The following ITSN1 variants were observed in gnomAD, a reference collection of about 807,000 sequenced individuals.
ITSN1 encodes intersectin-1.
Under a neutral mutation model 239.8 loss-of-function variants are expected in ITSN1, and 58 were observed. The observed-to-expected ratio is 0.24, with a 90% CI of 0.20 to 0.30. The LOEUF (loss-of-function observed/expected upper bound fraction) is 0.30. Among genes scored for constraint, ITSN1 ranks in the 10% least tolerant of loss-of-function variants. ITSN1 has a pLI of 1.00. For synonymous variants in ITSN1, 780 were observed against 770.8 expected, an observed-to-expected ratio of 1.01 and a Z score of -0.20; for missense variants, 1,558 against 2,103.3, an observed-to-expected ratio of 0.74 and a Z score of 5.07.
chr21:33,850,972 C>T (rs67900182), intron 29 of ITSN1, among the ~76,000 whole-genome samples: 3,547 of 152,220 alleles, frequency 0.023, 67 homozygotes, highest in Non-Finnish European at 0.033. Flanking sequence ...CCTGCTGATC[C>T]GGGGCCATTG....
At chr21:33,813,742 C>A (rs1348056196) in intron 21 of ITSN1, among the ~76,000 whole-genome samples, 171 bp from the exon 22 acceptor site, 1 of 149,078 alleles carries the variant, frequency 6.7e-6, no homozygotes, top group Non-Finnish European at 1.5e-5. Context: ...TTTCTTTTTT[C>A]TTTTTTTCCT....
chr21:33,714,975 T>C (rs2065054160), intron 1 of ITSN1, among the ~76,000 whole-genome samples: 2 of 152,126 alleles, frequency 1.3e-5, no homozygotes, highest in South Asian at 4.1e-4. Context: ...AAGGAGAAAT[T>C]CATTATCTCA....
At position 33,794,403 on chromosome 21, in the gene ITSN1, A is replaced by T; in HGVS notation, c.1887A>T (p.Arg629=). The part of the protein sequence containing the change: ...LQKQKSMEAE[R]LKQKEQERKI... ...AGCAAAAGTCCATGGAGGCTGAACG[A>T]CTGAAACAGAAAGAACAAGAACGAA... The change falls in exon 17 of 40, where the codon CGA becomes CGT. Residue 629 remains arginine, a synonymous_variant. Coordinates refer to ENST00000381318, the MANE Select transcript of ITSN1 (RefSeq NM_003024.3). The T allele has an allele frequency of 6.2e-7, 1 of 1,614,042 alleles. No homozygotes were observed. The highest frequency in any genetic ancestry group is 8.5e-7 in the Non-Finnish European group (1 of 1,179,950).
At chr21:33,643,528 C>T (rs558701033) in intron 1 of ITSN1, 11 of 152,162 alleles carry the variant, frequency 7.2e-5, no homozygotes, top group Admixed American at 2.6e-4. Context: ...TCGGAGATTA[C>T]ATTTCCTATG....
intron 1 of ITSN1, among the ~76,000 whole-genome samples, chr21:33,697,567 G>A (rs1321459057): frequency 4.0e-5 from 6 of 151,886 alleles, no homozygotes; most frequent in African/African-American, 1.2e-4. Flanking sequence ...TATGTGAGTT[G>A]AAAATAGTTT....
intron 1 of ITSN1, among the ~76,000 whole-genome samples, chr21:33,704,307 T>A (rs921193096): frequency 5.9e-5 from 9 of 152,182 alleles, no homozygotes; most frequent in African/African-American, 2.2e-4. Context: ...GCTATGACAT[T>A]ACAAAAAAAA....
chr21:33,721,379 T>C (rs2065470918), intron 3 of ITSN1, 109 bp downstream of exon 3: 1 of 735,766 alleles, frequency 1.4e-6, no homozygotes, highest in Admixed American at 2.1e-5. Flanking sequence ...GAGAGACATT[T>C]ACCTGTTTTG....
intron 16 of ITSN1, among the ~76,000 whole-genome samples, chr21:33,793,168 ACT>A (rs2148004762): frequency 6.6e-6 from 1 of 152,328 alleles, no homozygotes; most frequent in South Asian, 2.1e-4. Flanking sequence ...GCATTTTAAT[ACT>A]GACTTTCTAC....
At chr21:33,669,442 G>GT (rs34272483) in intron 1 of ITSN1, among the ~76,000 whole-genome samples, 17,265 of 139,768 alleles carry the variant, frequency 0.12, 1,439 homozygotes, top group East Asian at 0.42. Context: ...TTTCATTTAA[G>GT]TTTTTTTTTT....
chr21:33,790,712 A>C (rs543255295), intron 16 of ITSN1, among the ~76,000 whole-genome samples: 1 of 152,214 alleles, frequency 6.6e-6, no homozygotes, highest in Non-Finnish European at 1.5e-5. Context: ...ATGTGGATTT[A>C]ATAGAATTTG....
chr21:33,858,722 A>G lies in ITSN1; in HGVS notation c.3820A>G (p.Thr1274Ala), dbSNP rs751961174. Residue 1274 changes from threonine to alanine, a missense_variant, in exon 31 of 40, where the codon ACA becomes GCA. Around this residue, in one of 2 missense-constraint regions of ITSN1, gnomAD observed 576 missense variants for 893.3 expected, o/e 0.64. Transcript: ENST00000381318. ...ACCCCTGATGGAGTCTGAGCTGCTGACAGAAAAAGAGGTTGCTATGATTTT... is the reference window on the plus strand; with the variant it reads ...ACCCCTGATGGAGTCTGAGCTGCTGGCAGAAAAAGAGGTTGCTATGATTTT... The part of the protein sequence containing the change: ...QKPLMESELL[T>A]EKEVAMIFVN... The G allele has an allele frequency of 1.8e-5, 29 of 1,613,960 alleles. No homozygotes were observed. Among genetic ancestry groups the G allele is most frequent in the Non-Finnish European group, 2.3e-5 (27 of 1,179,876 alleles).
intron 20 of ITSN1, among the ~76,000 whole-genome samples, chr21:33,808,598 A>T (rs998297389): frequency 1.6e-4 from 25 of 151,914 alleles, no homozygotes; most frequent in Non-Finnish European, 2.9e-4. Context: ...AAAAAAAAAA[A>T]AGCTAACACT....
chr21:33,777,397 T>C (rs560127224), intron 14 of ITSN1, among the ~76,000 whole-genome samples: 2 of 152,280 alleles, frequency 1.3e-5, no homozygotes, highest in African/African-American at 2.4e-5. Context: ...TTCTCTGTTA[T>C]TGTTCTTTTT....
intron 8 of ITSN1, among the ~76,000 whole-genome samples, chr21:33,758,176 T>C (rs567386743): frequency 2.0e-5 from 3 of 152,294 alleles, no homozygotes; most frequent in Admixed American, 2.0e-4. Flanking sequence ...CAGGCTGAAG[T>C]ACAGTGACAT....
At chr21:33,886,518 TTAA>T in intron 39 of ITSN1, 58 bp downstream of exon 39, 1 of 1,429,028 alleles carries the variant, frequency 7.0e-7, no homozygotes, top group Non-Finnish European at 9.4e-7. Flanking sequence ...TTTGCGTGGG[TTAA>T]TGTTTTCTTA....
chr21:33,862,483 GAGA>G (rs1298060524), intron 31 of ITSN1, among the ~76,000 whole-genome samples: 6 of 152,194 alleles, frequency 3.9e-5, no homozygotes, highest in African/African-American at 4.8e-5. Flanking sequence ...GTGGGGTTGG[GAGA>G]AGGAGAAGAG....
intron 20 of ITSN1, among the ~76,000 whole-genome samples, chr21:33,808,083 A>T (rs1470185040): frequency 6.6e-6 from 1 of 151,888 alleles, no homozygotes; most frequent in Non-Finnish European, 1.5e-5. Context: ...GCTACTCGGG[A>T]GGCTGAGGCA....
At chr21:33,736,556 C>T (rs558524699) in intron 5 of ITSN1, among the ~76,000 whole-genome samples, 77 of 152,134 alleles carry the variant, frequency 5.1e-4, no homozygotes, top group Non-Finnish European at 1.0e-3. Context: ...TGACTGGGGC[C>T]GTTGTTTGTC....
chr21:33,663,072 A>G (rs1275653360), intron 1 of ITSN1, among the ~76,000 whole-genome samples: 1 of 152,240 alleles, frequency 6.6e-6, no homozygotes, highest in Non-Finnish European at 1.5e-5. Flanking sequence ...CATCTCAGGC[A>G]TTAGTCTACC....
Sources: allele counts gnomAD v4.1 joint callset (sites outside exome capture counted in the v4.1 genomes callset), GRCh38; gene constraint gnomAD v4.1.1; regional missense constraint gnomAD v4.1.1; transcripts MANE v1.5; gene names NCBI Gene and HGNC (gene_info 2026-07-23, HGNC 2026-07-21).